The following LYRM7 variants were observed in gnomAD, a reference collection of about 807,000 sequenced individuals.
The protein encoded by LYRM7 is LYR motif containing 7.
In LYRM7, 9 loss-of-function variants were observed where a neutral mutation model predicts 15.8. That is an observed-to-expected ratio of 0.57 (90% CI 0.34 to 0.99). The LOEUF is 0.99. Among genes scored for constraint, LYRM7 ranks in the 50% least tolerant of loss-of-function variants. The probability of loss-of-function intolerance (pLI) is 0.02; values close to 1 mark genes in which losing one functional copy is unlikely to be tolerated. For synonymous variants in LYRM7, 39 were observed against 39.4 expected (o/e 0.99, Z 0.04); for missense variants, 115 against 119.1 (o/e 0.97, Z 0.16).
At chr5:131,191,875 A>G (rs1755890973) in intron 4 of LYRM7, among the ~76,000 whole-genome samples, 1 of 152,160 alleles carries the variant, frequency 6.6e-6, no homozygotes, top group East Asian at 1.9e-4. Flanking sequence ...TGCATGATCT[A>G]GTAATTCCTC....
chr5:131,190,074 C>T (rs1209325980), intron 4 of LYRM7, among the ~76,000 whole-genome samples: 1 of 148,514 alleles, frequency 6.7e-6, no homozygotes, highest in Non-Finnish European at 1.5e-5. Context: ...GCGGATATTG[C>T]AATGACCCGA....
intron 1 of LYRM7, among the ~76,000 whole-genome samples, chr5:131,173,853 C>T (rs762330224): frequency 1.6e-4 from 25 of 152,296 alleles, no homozygotes; most frequent in Non-Finnish European, 3.1e-4. Flanking sequence ...AATCTTTTTG[C>T]TGATGAAAGA....
At position 131,182,232 on chromosome 5, in the gene LYRM7, C is replaced by T. The variant is rs758941942; in HGVS notation, c.95C>T (p.Ala32Val). The change falls in exon 3 of 5, where the codon GCC becomes GTC. Residue 32 changes from alanine to valine, a missense_variant. Ala to Val is a moderately conservative substitution (Grantham distance 64). Transcript: ENST00000379380. ...FKNDARALEAARIKINEEFKN... is the reference protein window; with the variant it reads ...FKNDARALEAVRIKINEEFKN... ...ATATGTATTTTTCTCTTTGTAGCAG[C>T]CAGAATAAAGATAAATGAAGAATTC... 2.9e-5 allele frequency: 42 copies of T among 1,425,660 alleles called. No homozygotes were observed. Among genetic ancestry groups the T allele is most frequent in the Non-Finnish European group, 3.9e-5 (41 of 1,050,834 alleles). The allele number at this position is 1,425,660 out of a possible 1,614,324, so 88.3% of individuals were successfully genotyped here. A position where few individuals can be genotyped will look rare whatever the true frequency, so the allele number is the denominator to read the frequency against.
intron 3 of LYRM7, among the ~76,000 whole-genome samples, chr5:131,183,751 C>G (rs1019561951): frequency 1.3e-5 from 2 of 152,036 alleles, no homozygotes; most frequent in African/African-American, 2.4e-5. Context: ...CTCAAAGAAC[C>G]TTTACACTCT....
intron 1 of LYRM7, chr5:131,171,716 A>G (rs899244154): frequency 6.6e-6 from 1 of 152,142 alleles, no homozygotes; most frequent in Non-Finnish European, 1.5e-5. Context: ...GCCAATTGGG[A>G]TCTGTAGTTG....
At chr5:131,185,508 G>A (rs1316437372) in intron 3 of LYRM7, among the ~76,000 whole-genome samples, 6 of 152,168 alleles carry the variant, frequency 3.9e-5, no homozygotes, top group Non-Finnish European at 8.8e-5. Flanking sequence ...GCATGATTTT[G>A]TAACATCACG....
At chr5:131,193,958 G>A (rs943046025) in intron 4 of LYRM7, among the ~76,000 whole-genome samples, 7 of 152,094 alleles carry the variant, frequency 4.6e-5, no homozygotes, top group Middle Eastern at 3.4e-3. Context: ...GCAGTGAGCC[G>A]AGATTGCGCC....
chr5:131,186,143 G>A (rs1171895286), intron 3 of LYRM7, among the ~76,000 whole-genome samples: 1 of 152,148 alleles, frequency 6.6e-6, no homozygotes, highest in Non-Finnish European at 1.5e-5. Flanking sequence ...GGGTCTCAGG[G>A]TCTCTCAAGT....
chr5:131,181,316 T>TATATATATACAC (rs1208669077), intron 2 of LYRM7, among the ~76,000 whole-genome samples: 3 of 27,642 alleles, frequency 1.1e-4, no homozygotes, highest in South Asian at 1.7e-3. Context: ...TATATATATA[T>TATATATATACAC]ACACACACAC....
At chr5:131,199,090 A>G (rs938793718) in intron 4 of LYRM7, among the ~76,000 whole-genome samples, 1 of 152,322 alleles carries the variant, frequency 6.6e-6, no homozygotes, top group African/African-American at 2.4e-5. Context: ...TCCAGTTGAT[A>G]TGACCACACA....
chr5:131,180,771 A>C (rs946635395), intron 2 of LYRM7, among the ~76,000 whole-genome samples: 3 of 152,220 alleles, frequency 2.0e-5, no homozygotes, highest in Non-Finnish European at 4.4e-5. Context: ...TGAACAAATA[A>C]GATATATGTA....
At chr5:131,176,359 G>A (rs1230617665) in intron 1 of LYRM7, among the ~76,000 whole-genome samples, 2 of 152,080 alleles carry the variant, frequency 1.3e-5, no homozygotes, top group East Asian at 1.9e-4. Context: ...ATGTATAAGA[G>A]TTCCTATTTT....
rs1208669077 is a variant in LYRM7 at position 131,181,316 on chromosome 5, T to TATATATATATATATATATATATAC, written c.92-912_92-911insTATATATATATATATATATATACA. On this transcript the variant is annotated intron_variant, in intron 2 of 4. Transcript: ENST00000379380. ...AAAAAAAAAAAAATATATATATATA[T>TATATATATATATATATATATATAC]ACACACACACACACATATATATAAC... 1.8e-3 allele frequency among the ~76,000 whole-genome samples: 49 copies of TATATATATATATATATATATATAC among 27,618 alleles called. 1 individual carries two copies. The highest frequency in any genetic ancestry group is 2.1e-3 in the Non-Finnish European group (27 of 13,086). The allele number at this position is 27,618 out of a possible 152,430, so 18.1% of individuals were successfully genotyped here. A position where few individuals can be genotyped will look rare whatever the true frequency, so the allele number is the denominator to read the frequency against.
At chr5:131,192,029 GCATACACACACACA>G (rs1259163088) in intron 4 of LYRM7, among the ~76,000 whole-genome samples, 1 of 110,526 alleles carries the variant, frequency 9.0e-6, no homozygotes, top group African/African-American at 4.1e-5. Flanking sequence ...AAAATGTGGT[GCATACACACACACA>G]CACACACACA....
chr5:131,181,387 TACATATATATTATATATAC>T (rs1755701748), intron 2 of LYRM7, among the ~76,000 whole-genome samples: 1 of 94,792 alleles, frequency 1.1e-5, no homozygotes, highest in South Asian at 2.7e-4. Context: ...ATATAATATA[TACATATATATTATATATAC>T]ATATATATGT....
intron 1 of LYRM7, 89 bp downstream of exon 1, chr5:131,171,127 TG>T: frequency 7.8e-7 from 1 of 1,288,794 alleles, no homozygotes; most frequent in Non-Finnish European, 1.0e-6. Flanking sequence ...CTCTGGAGGC[TG>T]GGGCTCCTGA....
Position 131,200,391 on chromosome 5 carries a change from A to G in LYRM7, c.*790A>G, listed in dbSNP as rs1756041868. 1 of 152,320 alleles carries G rather than the reference A, an allele frequency of 6.6e-6. No homozygotes were observed. The highest frequency in any genetic ancestry group is 1.9e-4 in the East Asian group (1 of 5,342). 9.4% of individuals were successfully genotyped at this position (152,320 alleles called of 1,614,324 possible). On this transcript the variant is annotated 3_prime_UTR_variant, in exon 5 of 5. Coordinates refer to ENST00000379380, the MANE Select transcript of LYRM7 (RefSeq NM_181705.4). ...CATCGTTTTAATTAATGAAACTTAA[A>G]TGGCTTCTCTTCTTCCACATGTCCT... is the stretch of plus-strand genomic sequence containing the variant.
intron 2 of LYRM7, among the ~76,000 whole-genome samples, chr5:131,181,259 A>AG (rs1755685971): frequency 8.0e-6 from 1 of 124,252 alleles, no homozygotes. Context: ...CTGGGCGACA[A>AG]AGCAAGACTC....
intron 1 of LYRM7, among the ~76,000 whole-genome samples, chr5:131,176,157 A>G (rs1290445252): frequency 6.6e-6 from 1 of 152,150 alleles, no homozygotes; most frequent in African/African-American, 2.4e-5. Flanking sequence ...GGTTATTTCT[A>G]CTTTTTCACT....
Sources: gnomAD v4.1 joint callset for allele counts (sites outside exome capture counted in the v4.1 genomes callset) on GRCh38, gnomAD v4.1.1 for gene constraint, MANE v1.5 for transcripts, NCBI Gene and HGNC (gene_info 2026-07-23, HGNC 2026-07-21) for gene names.